The following CCDC180 variants were observed in gnomAD, a reference collection of about 807,000 sequenced individuals.
CCDC180 encodes the protein coiled-coil domain containing 180, also known as coiled-coil domain-containing protein 180.
A neutral mutation model predicts 209.2 loss-of-function variants in CCDC180; 154 were observed. The observed-to-expected ratio is 0.74, with a 90% CI of 0.65 to 0.84. The LOEUF (loss-of-function observed/expected upper bound fraction) is 0.84, where lower values mean the gene tolerates loss of function less well. Among genes scored for constraint, CCDC180 ranks in the 40% least tolerant of loss-of-function variants. The pLI, the probability that CCDC180 is intolerant of heterozygous loss-of-function variation, is 0.00. For missense variants in CCDC180, 1,874 were observed against 1,997.3 expected, an observed-to-expected ratio of 0.94 and a Z score of 1.18; for synonymous variants, 778 against 749.1, an observed-to-expected ratio of 1.04 and a Z score of -0.63.
At chr9:97,323,256 C>G (rs948345601) in intron 12 of CCDC180, among the ~76,000 whole-genome samples, 1 of 152,176 alleles carries the variant, frequency 6.6e-6, no homozygotes, top group Non-Finnish European at 1.5e-5. Context: ...CAGATCACCT[C>G]AGACTTCACC....
In CCDC180 at chr9:97,356,807, A is replaced by G. The variant is rs190849535; in HGVS notation, c.3265-820A>G. On this transcript the variant is annotated intron_variant, in intron 24 of 36. Transcript: ENST00000529487. ...CCATCATGGACAATACTGGGAATAT[A>G]GAACAAATACAAAACAGAGAGTAAA... 3.5e-4 allele frequency among the ~76,000 whole-genome samples: 53 copies of G among 152,408 alleles called. No homozygotes were observed. In the East Asian group the frequency reaches 8.5e-3, roughly 24 times the overall value.
chr9:97,326,542 G>A lies in CCDC180; in HGVS notation c.1546-12G>A. The A allele has an allele frequency of 3.3e-6, 5 of 1,537,754 alleles. No individual in the cohort carries two copies. Among genetic ancestry groups the A allele is most frequent in the Middle Eastern group, 1.7e-4 (1 of 5,942 alleles). ...CACATCTGCTTCCTCTTGTTTTGGG[G>A]GTGGCTTCCAGGTGCAGGAGGCCCA... On this transcript the variant is annotated splice_polypyrimidine_tract_variant and intron_variant, in intron 14 of 36. Transcript: ENST00000529487.
At position 97,365,847 on chromosome 9, in the gene CCDC180, C is replaced by T. The variant is rs554756169; in HGVS notation, c.4047+108C>T. On this transcript the variant is annotated intron_variant, in intron 30 of 36. Transcript: ENST00000529487. ...GAAAATGAGGAAGAGAGGATTCCAC[C>T]CCCGCCATGACCACAGCTCCCCAGC... 22 of 940,700 alleles carry T rather than the reference C, an allele frequency of 2.3e-5. No homozygotes were observed. The Admixed American group carries it at 3.7e-4, about 16-fold the overall frequency. 58.3% of individuals were successfully genotyped at this position (940,700 alleles called of 1,614,324 possible). A position where few individuals can be genotyped will look rare whatever the true frequency, so the allele number is the denominator to read the frequency against.
intron 25 of CCDC180, 43 bp downstream of exon 25, chr9:97,357,768 T>G: frequency 7.1e-7 from 1 of 1,413,170 alleles, no homozygotes; most frequent in Non-Finnish European, 9.9e-7. Context: ...TAAAGATATA[T>G]CATGCTAAAG....
At position 97,357,490 on chromosome 9, in the gene CCDC180, G is replaced by A. The variant is rs934051741; in HGVS notation, c.3265-137G>A. 31 of 697,246 alleles carry A rather than the reference G, an allele frequency of 4.4e-5. No individual in the cohort carries two copies. The South Asian group carries it at 5.6e-4, about 13-fold the overall frequency. The allele number at this position is 697,246 out of a possible 1,614,324, so 43.2% of individuals were successfully genotyped here. On this transcript the variant is annotated intron_variant, in intron 24 of 36. Coordinates refer to ENST00000529487, the MANE Select transcript of CCDC180 (RefSeq NM_020893.6). ...ATCTTTTTAATTTGTATCAATGTCT[G>A]GTAAAACTGCATATTTTTCCCTGAT...
chr9:97,330,139 G>T lies in CCDC180; in HGVS notation c.1789-15G>T. 6.2e-7 allele frequency: 1 copy of T among 1,610,650 alleles called. No individual in the cohort carries two copies. Among genetic ancestry groups the T allele is most frequent in the South Asian group, 1.1e-5 (1 of 90,968 alleles). On this transcript the variant is annotated splice_polypyrimidine_tract_variant and intron_variant, in intron 16 of 36. Coordinates refer to ENST00000529487, the MANE Select transcript of CCDC180 (RefSeq NM_020893.6). ...CAGTGCAGGTCCTTCAGTGACTCTT[G>T]GTTTTTCCTTGTAGAACTTGGCTGG...
At chr9:97,365,541 G>A (rs984768035) in intron 29 of CCDC180, 132 bp from the exon 30 acceptor site, 8 of 763,808 alleles carry the variant, frequency 1.0e-5, no homozygotes, top group Non-Finnish European at 1.9e-5. Context: ...AGAGGTCCTG[G>A]GGCAGCAGTG....
chr9:97,349,283 G>A lies in CCDC180; in HGVS notation c.2847G>A (p.Arg949=). The A allele has an allele frequency of 6.5e-7, 1 of 1,536,542 alleles. No homozygotes were observed. The highest frequency in any genetic ancestry group is 8.7e-7 in the Non-Finnish European group (1 of 1,146,982). Residue 949 remains arginine (R), a synonymous_variant, in exon 21 of 37, where the codon AGG becomes AGA. Coordinates refer to ENST00000529487, the MANE Select transcript of CCDC180 (RefSeq NM_020893.6). ...DMEHIFLNAT[R]SQKLVTLSNT... ...AGCACATCTTCTTGAATGCCACCAG[G>A]AGCCAAAAGTAAGGGGTCCTGGGAG...
chr9:97,369,419 T>TTTATGTTATG (rs3052478), intron 31 of CCDC180: 3,561 of 130,662 alleles, frequency 0.027, 56 homozygotes, highest in Non-Finnish European at 0.036. Flanking sequence ...AAGCCTTTAT[T>TTTATGTTATG]TTATGTTATG....
At chr9:97,335,143 T>C (rs1382304306) in intron 18 of CCDC180, among the ~76,000 whole-genome samples, 1 of 152,158 alleles carries the variant, frequency 6.6e-6, no homozygotes, top group African/African-American at 2.4e-5. Context: ...TTTTGCTCTA[T>C]TAAAAACTCT....
intron 31 of CCDC180, chr9:97,369,174 A>C (rs1445822047): frequency 6.6e-6 from 1 of 152,236 alleles, no homozygotes. Flanking sequence ...AATAACCAGA[A>C]TATAACACAG....
chr9:97,359,838 G>A, intron 25 of CCDC180, 144 bp from the exon 26 acceptor site: 10 of 1,065,046 alleles, frequency 9.4e-6, no homozygotes, highest in South Asian at 4.6e-5. Context: ...CACTCCCCAA[G>A]GGCCTTCCCT....
intron 19 of CCDC180, among the ~76,000 whole-genome samples, chr9:97,345,430 G>A (rs149350667): frequency 1.3e-5 from 2 of 152,208 alleles, no homozygotes; most frequent in East Asian, 3.9e-4. Context: ...GTTTCATTGT[G>A]GTTTTAATAT....
chr9:97,352,271 C>T (rs1053063245), intron 22 of CCDC180, among the ~76,000 whole-genome samples: 4 of 152,092 alleles, frequency 2.6e-5, no homozygotes, highest in Admixed American at 1.3e-4. Context: ...CCTCTTCATA[C>T]GAGAGTGAGA....
intron 15 of CCDC180, 127 bp from the exon 16 acceptor site, chr9:97,327,893 G>A: frequency 1.0e-6 from 1 of 985,370 alleles, no homozygotes; most frequent in Non-Finnish European, 1.5e-6. Flanking sequence ...GCCAAGGACT[G>A]CTGCTATAAA....
chr9:97,311,878 G>T (rs1433576205), intron 3 of CCDC180, among the ~76,000 whole-genome samples: 1 of 152,138 alleles, frequency 6.6e-6, no homozygotes, highest in Non-Finnish European at 1.5e-5. Flanking sequence ...CTCCCTGAGG[G>T]CAGGGACCCA....
chr9:97,330,964 T>TA (rs1377187508), intron 18 of CCDC180, among the ~76,000 whole-genome samples, 197 bp downstream of exon 18: 3 of 152,238 alleles, frequency 2.0e-5, no homozygotes, highest in Non-Finnish European at 4.4e-5. Context: ...GCAAGTTTGT[T>TA]ATTTAGGTAA....
Position 97,341,930 on chromosome 9 carries a change from G to C in CCDC180, c.2275-1410G>C, listed in dbSNP as rs185590155. ...AGCCAGGCTTGCCGCCTCACAGTTC[G>C]ATCTCAGACTAGCAGTGAGCAAGGC... On this transcript the variant is annotated intron_variant, in intron 18 of 36. Transcript: ENST00000529487. Among the ~76,000 whole-genome samples, 6 of 152,298 alleles carry C rather than the reference G, an allele frequency of 3.9e-5. No individual in the cohort carries two copies. In the South Asian group the frequency reaches 6.2e-4, roughly 16 times the overall value.
chr9:97,362,039 T>C, intron 27 of CCDC180, 141 bp downstream of exon 27: 1 of 1,372,212 alleles, frequency 7.3e-7, no homozygotes, highest in African/African-American at 1.5e-5. Flanking sequence ...GGCAAAGGGC[T>C]TCCCCACCCA....
Sources: gnomAD v4.1 joint callset for allele counts (sites outside exome capture counted in the v4.1 genomes callset) on GRCh38, gnomAD v4.1.1 for gene constraint, MANE v1.5 for transcripts, NCBI Gene and HGNC (gene_info 2026-07-23, HGNC 2026-07-21) for gene names.